Variants in CCNT1 observed in about 807,000 individuals in gnomAD.
The protein encoded by CCNT1 is cyclin T1.
CCNT1 carries 18 observed loss-of-function variants against 67.3 expected under a neutral mutation model. The ratio of observed to expected loss-of-function variants is 0.27; its 90% CI spans 0.18 to 0.40. CCNT1 has a LOEUF of 0.40. CCNT1 is among the 10% of genes least tolerant of loss of function. CCNT1 has a pLI of 1.00. For missense variants in CCNT1, 744 were observed against 884.9 expected, an observed-to-expected ratio of 0.84 and a Z score of 2.02; for synonymous variants, 333 against 310.3, an observed-to-expected ratio of 1.07 and a Z score of -0.77.
chr12:48,694,260 C>T lies in CCNT1; in HGVS notation c.954G>A (p.Glu318=). ...SAVPSLPVSE[E]SSSNLTSVEM... is the part of the protein sequence containing the mutation. ...CCACACTGGTTAAGTTGCTGGATGACTCTTCGGAGACTGGCAGGGAAGGCA... is the reference window on the plus strand; with the variant it reads ...CCACACTGGTTAAGTTGCTGGATGATTCTTCGGAGACTGGCAGGGAAGGCA... Residue 318 remains glutamate (E), a synonymous_variant, in exon 9 of 9, where the codon GAG becomes GAA. Transcript: ENST00000261900. 6.2e-7 allele frequency: 1 copy of T among 1,614,220 alleles called. No homozygotes were observed. Among genetic ancestry groups the T allele is most frequent in the Non-Finnish European group, 8.5e-7 (1 of 1,180,048 alleles).
intron 2 of CCNT1, 105 bp from the exon 3 acceptor site, chr12:48,706,001 T>A (rs7962902): frequency 9.1e-7 from 1 of 1,097,920 alleles, no homozygotes; most frequent in African/African-American, 1.6e-5. Context: ...TTTGCTTGCC[T>A]CAACTTTGTC....
At chr12:48,700,318 C>CA (rs372908471) in intron 4 of CCNT1, among the ~76,000 whole-genome samples, 4,252 of 81,986 alleles carry the variant, frequency 0.052, 123 homozygotes, top group African/African-American at 0.1. Flanking sequence ...GACTCCGTCT[C>CA]AAAAAAAAAA....
At position 48,716,578 on chromosome 12, in the gene CCNT1, T is replaced by C; in HGVS notation, c.98A>G (p.Lys33Arg). The change falls in exon 1 of 9, where the codon AAA becomes AGA. Residue 33 changes from lysine (K) to arginine (R), a missense_variant. Lys to Arg is a conservative substitution (Grantham distance 26, BLOSUM62 2). This residue lies in a region of CCNT1 where 142 missense variants were observed against 277.0 expected (regional missense o/e 0.51). Transcript: ENST00000261900. ...PSRRFGVDPD[K>R]ELSYRQQAAN... Reference sequence around the variant, plus strand: ...CGCCTGCTGGCGATAAGAAAGTTCTTTATCTGGGTCCACGCCAAAACGACG... The same window carrying C: ...CGCCTGCTGGCGATAAGAAAGTTCTCTATCTGGGTCCACGCCAAAACGACG... 1 of 1,614,188 alleles carries C rather than the reference T, an allele frequency of 6.2e-7. No homozygotes were observed. The highest frequency in any genetic ancestry group is 1.1e-5 in the South Asian group (1 of 91,082).
chr12:48,699,939 T>C, intron 4 of CCNT1, 99 bp from the exon 5 acceptor site: 1 of 678,628 alleles, frequency 1.5e-6, no homozygotes, highest in Non-Finnish European at 2.6e-6. Flanking sequence ...CCTTACTGGT[T>C]TCCACACTAA....
chr12:48,701,701 G>A (rs574587433), intron 3 of CCNT1, among the ~76,000 whole-genome samples: 15 of 150,624 alleles, frequency 1.0e-4, no homozygotes, highest in Non-Finnish European at 1.2e-4. Context: ...TCTGCCTCCC[G>A]GTTCAAACAA....
intron 6 of CCNT1, 28 bp downstream of exon 6, chr12:48,698,110 G>C: frequency 7.0e-7 from 1 of 1,420,232 alleles, no homozygotes. Context: ...ACCAAAAATC[G>C]AAGAGAAAAA....
rs1268716861 is a variant in CCNT1, at chr12:48,701,077, A to G, written c.373-4T>C. On this transcript the variant is annotated splice_polypyrimidine_tract_variant and splice_region_variant and intron_variant, in intron 3 of 8. Transcript: ENST00000261900. ...CTTGAACTTGTTGCAAATAAGCCTA[A>G]AAGTGAGAAGACAGAAATTATTCCC... 1 of 1,572,370 alleles carries G rather than the reference A, an allele frequency of 6.4e-7. No individual in the cohort carries two copies. Among genetic ancestry groups the G allele is most frequent in the African/African-American group, 1.4e-5 (1 of 73,608 alleles).
chr12:48,714,313 A>G (rs1940501258), intron 2 of CCNT1, 130 bp downstream of exon 2: 6 of 611,008 alleles, frequency 9.8e-6, no homozygotes. Flanking sequence ...AACACAGCAC[A>G]TAATGGAAGT....
intron 2 of CCNT1, among the ~76,000 whole-genome samples, chr12:48,712,618 A>AAAC (rs1940472306): frequency 7.2e-6 from 1 of 138,722 alleles, no homozygotes; most frequent in Non-Finnish European, 1.6e-5. Flanking sequence ...AAAAAAAAAA[A>AAAC]GCAGGGAAAT....
chr12:48,692,125 G>A lies in CCNT1; in HGVS notation c.*908C>T, dbSNP rs928577546. On this transcript the variant is annotated 3_prime_UTR_variant, in exon 9 of 9. Transcript: ENST00000261900. ...TGTTTTGCACAAAAACAAAAAAAGG[G>A]GTAAAAAGGAAGTTCTCATAATAAG... is the stretch of plus-strand genomic sequence containing the variant. 1.3e-4 allele frequency: 20 copies of A among 152,052 alleles called. No individual in the cohort carries two copies. The highest frequency in any genetic ancestry group is 4.3e-4 in the African/African-American group (18 of 41,404). The allele number at this position is 152,052 out of a possible 1,614,324, so 9.4% of individuals were successfully genotyped here. A position where few individuals can be genotyped will look rare whatever the true frequency, so the allele number is the denominator to read the frequency against.
chr12:48,714,502 C>A lies in CCNT1; in HGVS notation c.184G>T (p.Ala62Ser), dbSNP rs1449551198. 2 of 1,609,876 alleles carry A rather than the reference C, an allele frequency of 1.2e-6. No homozygotes were observed. The highest frequency in any genetic ancestry group is 2.2e-5 in the South Asian group (2 of 90,984). The change falls in exon 2 of 9, where the codon GCT becomes TCT. Residue 62 changes from alanine to serine, a missense_variant. Around this residue, in one of 3 missense-constraint regions of CCNT1, gnomAD observed 142 missense variants for 277.0 expected, o/e 0.51. Coordinates refer to ENST00000261900, the MANE Select transcript of CCNT1 (RefSeq NM_001240.4). Reference protein sequence around the residue: ...LNVSQLTINTAIVYMHRFYMI... With the variant: ...LNVSQLTINTSIVYMHRFYMI... Reference sequence around the variant, plus strand: ...TAGAATCGATGCATGTATACTATAGCAGTGTTGATAGTCAATTGTGAGCTG... The same window carrying A: ...TAGAATCGATGCATGTATACTATAGAAGTGTTGATAGTCAATTGTGAGCTG...
At chr12:48,698,073 C>T in intron 6 of CCNT1, 65 bp downstream of exon 6, 1 of 1,004,552 alleles carries the variant, frequency 1.0e-6, no homozygotes, top group Non-Finnish European at 1.5e-6. Context: ...CTATAGCACA[C>T]TGTATCAAAC....
chr12:48,716,522 G>C lies in CCNT1; in HGVS notation c.154C>G (p.Leu52Val). Residue 52 changes from leucine (L) to valine (V), a missense_variant, in exon 1 of 9, where the codon CTT (leucine) becomes GTT (valine). Coordinates refer to ENST00000261900, the MANE Select transcript of CCNT1 (RefSeq NM_001240.4). ...CCTAGGCCACAAGGATACACGTTAA[G>C]ACGCTGCCCCATGTCCTGAAGCAGA... Reference protein sequence around the residue: ...ANLLQDMGQRLNVSQLTINTA... With the variant: ...ANLLQDMGQRVNVSQLTINTA... 1 of 1,613,780 alleles carries C rather than the reference G, an allele frequency of 6.2e-7. No homozygotes were observed. Among genetic ancestry groups the C allele is most frequent in the Non-Finnish European group, 8.5e-7 (1 of 1,179,742 alleles).
chr12:48,710,746 C>T lies in CCNT1; in HGVS notation c.243+3697G>A, dbSNP rs947687693. 2.0e-5 allele frequency among the ~76,000 whole-genome samples: 3 copies of T among 152,288 alleles called. No homozygotes were observed. In the East Asian group the frequency reaches 5.8e-4, roughly 29 times the overall value. On this transcript the variant is annotated intron_variant, in intron 2 of 8. Coordinates refer to ENST00000261900, the MANE Select transcript of CCNT1 (RefSeq NM_001240.4). Reference sequence around the variant, plus strand: ...ATATACAGAAAAGGGAATCTCTGTCCTTGTTAAGCTTAACAGATAAGAAAT... The same window carrying T: ...ATATACAGAAAAGGGAATCTCTGTCTTTGTTAAGCTTAACAGATAAGAAAT...
In CCNT1 at chr12:48,690,195, T is replaced by C. The variant is rs1940051043; in HGVS notation, c.*2838A>G. The C allele has an allele frequency of 6.6e-6, 1 of 152,196 alleles. No individual in the cohort carries two copies. The highest frequency in any genetic ancestry group is 2.1e-4 in the South Asian group (1 of 4,836). The allele number at this position is 152,196 out of a possible 1,614,324, so 9.4% of individuals were successfully genotyped here. On this transcript the variant is annotated 3_prime_UTR_variant, in exon 9 of 9. Coordinates refer to ENST00000261900, the MANE Select transcript of CCNT1 (RefSeq NM_001240.4). ...AGCCTTAAGGACAATCCACAGGTAT[T>C]TGTTTTTGCCAACACGAGTCTAGCA...
chr12:48,696,239 TAAAAAAAAA>T (rs71080140), intron 6 of CCNT1, 77 bp from the exon 7 acceptor site: 10 of 72,026 alleles, frequency 1.4e-4, no homozygotes, highest in Admixed American at 2.6e-4. Flanking sequence ...CTCCATTATT[TAAAAAAAAA>T]AAAAAAAAAA....
At chr12:48,698,231 T>C (rs765209057) in intron 5 of CCNT1, 48 bp from the exon 6 acceptor site, 1 of 1,292,664 alleles carries the variant, frequency 7.7e-7, no homozygotes, top group Non-Finnish European at 1.1e-6. Flanking sequence ...AAAAAGTTAT[T>C]AGTTCCATTC....
At chr12:48,703,366 G>C (rs1475836142) in intron 3 of CCNT1, among the ~76,000 whole-genome samples, 2 of 151,726 alleles carry the variant, frequency 1.3e-5, no homozygotes, top group African/African-American at 2.4e-5. Context: ...CTCAGGTCAG[G>C]AGTTCGAGAC....
intron 2 of CCNT1, among the ~76,000 whole-genome samples, chr12:48,713,629 T>A (rs977652348): frequency 2.0e-5 from 3 of 152,000 alleles, no homozygotes; most frequent in African/African-American, 7.2e-5. Context: ...ACAAAAAAAA[T>A]TTTAAAAATT....
Sources: gnomAD v4.1 joint callset for allele counts (sites outside exome capture counted in the v4.1 genomes callset) on GRCh38, gnomAD v4.1.1 for gene constraint, gnomAD v4.1.1 regional missense constraint, MANE v1.5 for transcripts, NCBI Gene and HGNC (gene_info 2026-07-23, HGNC 2026-07-21) for gene names.